The following NEBL variants were observed in gnomAD, a reference collection of about 807,000 sequenced individuals.
The protein encoded by NEBL is nebulette, also known as LIM and SH3 protein 2.
In NEBL, 122 loss-of-function variants were observed where a neutral mutation model predicts 140.2. The ratio of observed to expected loss-of-function variants is 0.87; its 90% CI spans 0.75 to 1.01. The LOEUF (loss-of-function observed/expected upper bound fraction) is 1.01. Ranked by LOEUF, NEBL falls within the 50% of genes least tolerant of loss-of-function variation. NEBL has a pLI of 0.00. For missense variants in NEBL, 1,365 were observed against 1,231.3 expected, an observed-to-expected ratio of 1.11 and a Z score of -1.62; for synonymous variants, 436 against 398.9, an observed-to-expected ratio of 1.09 and a Z score of -1.11.
intron 26 of NEBL, among the ~76,000 whole-genome samples, chr10:20,791,809 G>A (rs1400002058): frequency 6.6e-6 from 1 of 152,174 alleles, no homozygotes; most frequent in Non-Finnish European, 1.5e-5. Context: ...ACGTTGAAGA[G>A]TACTCAAAAA....
At chr10:20,894,910 T>C (rs186427067) in intron 2 of NEBL, among the ~76,000 whole-genome samples, 165 of 129,462 alleles carry the variant, frequency 1.3e-3, no homozygotes, top group African/African-American at 4.7e-3. Context: ...GCCTGGGTGA[T>C]AGAGCGAGAC....
At position 20,808,622 on chromosome 10, in the gene NEBL, G is replaced by A; in HGVS notation, c.2649C>T (p.Ser883=). ...CTGTACCGAAAGTACTGCTGGAATG[G>A]GATCGAGACCAGTGTCGCCTATAGT... ...ASHYRRHWSR[S]HSSSTFGTGL... The change falls in exon 26 of 28, where the codon TCC becomes TCT. Residue 883 remains serine (S), a synonymous_variant. Transcript: ENST00000377122. The A allele has an allele frequency of 1.2e-6, 2 of 1,613,252 alleles. No homozygotes were observed. The highest frequency in any genetic ancestry group is 1.7e-6 in the Non-Finnish European group (2 of 1,179,352).
intron 2 of NEBL, among the ~76,000 whole-genome samples, chr10:21,143,448 CAAAAAAAAAA>C (rs72021692): frequency 6.0e-5 from 4 of 66,478 alleles, no homozygotes; most frequent in South Asian, 6.9e-4. Context: ...AACTTCATCT[CAAAAAAAAAA>C]AAAAAAAAAA....
chr10:21,028,792 A>C (rs1833650432), intron 2 of NEBL, among the ~76,000 whole-genome samples: 1 of 152,144 alleles, frequency 6.6e-6, no homozygotes, highest in South Asian at 2.1e-4. Context: ...AAAAATGAAG[A>C]CAGAGAGAAA....
rs71390800 is a variant in NEBL at position 20,924,413 on chromosome 10, T to TAAAAAAAAAAA, written c.357+37248_357+37258dup. Among the ~76,000 whole-genome samples the TAAAAAAAAAAA allele has an allele frequency of 5.8e-4, 34 of 59,060 alleles. 3 individuals carry two copies. The highest frequency in any genetic ancestry group is 9.3e-4 in the African/African-American group (14 of 15,090). The allele number at this position is 59,060 out of a possible 152,430, so 38.7% of individuals were successfully genotyped here. A position where few individuals can be genotyped will look rare whatever the true frequency, so the allele number is the denominator to read the frequency against. ...CTATAGCTCTCGATCAGGCATGAAG[T>TAAAAAAAAAAA]AAAAAAAAAAAAAAAAAAAAAAAAA... On this transcript the variant is annotated intron_variant, in intron 4 of 6. Transcript: ENST00000417816.
chr10:21,203,416 C>T (rs1016823039), intron 3 of NEBL, among the ~76,000 whole-genome samples: 3 of 152,134 alleles, frequency 2.0e-5, no homozygotes, highest in African/African-American at 7.2e-5. Context: ...AAAAGTTCTC[C>T]AACTTATGGA....
At chr10:20,872,871 C>T (rs1049878684) in intron 5 of NEBL, among the ~76,000 whole-genome samples, 27 of 152,136 alleles carry the variant, frequency 1.8e-4, no homozygotes, top group Admixed American at 1.8e-3. Context: ...AATAATCCAC[C>T]CCTTGTTTAG....
intron 2 of NEBL, among the ~76,000 whole-genome samples, chr10:21,057,260 G>A (rs954322437): frequency 2.0e-5 from 3 of 151,972 alleles, no homozygotes; most frequent in Non-Finnish European, 4.4e-5. Context: ...CTCCCGGGAA[G>A]GGTTGCTCTT....
At chr10:20,906,321 C>A (rs1419204641) in intron 4 of NEBL, among the ~76,000 whole-genome samples, 1 of 152,094 alleles carries the variant, frequency 6.6e-6, no homozygotes, top group Non-Finnish European at 1.5e-5. Context: ...ACTGAGGAAT[C>A]CTTCTTCCTG....
At chr10:20,938,124 A>G (rs752070073) in intron 4 of NEBL, among the ~76,000 whole-genome samples, 15 of 152,196 alleles carry the variant, frequency 9.9e-5, no homozygotes, top group African/African-American at 3.6e-4. Context: ...GAGATCTGAG[A>G]ATGGACAGAC....
At chr10:21,180,547 C>A (rs187571863) in intron 3 of NEBL, among the ~76,000 whole-genome samples, 8 of 152,280 alleles carry the variant, frequency 5.3e-5, no homozygotes, top group Admixed American at 2.6e-4. Context: ...TAGACACAAG[C>A]ATTCTAGGTA....
chr10:21,224,849 G>A (rs907617970), intron 3 of NEBL, among the ~76,000 whole-genome samples: 6 of 152,142 alleles, frequency 3.9e-5, no homozygotes, highest in Non-Finnish European at 5.9e-5. Context: ...TTGTATGTTG[G>A]TTTTGTATCC....
intron 2 of NEBL, among the ~76,000 whole-genome samples, chr10:21,148,287 C>A (rs1839990232): frequency 6.6e-6 from 1 of 152,172 alleles, no homozygotes; most frequent in Admixed American, 6.5e-5. Flanking sequence ...ACGTTCATGG[C>A]TCATCACTCC....
chr10:20,868,881 A>C (rs957931683), intron 6 of NEBL, 116 bp from the exon 7 acceptor site: 2 of 717,078 alleles, frequency 2.8e-6, no homozygotes, highest in African/African-American at 3.6e-5. Flanking sequence ...TATTCCTTAC[A>C]ACACATCAAA....
chr10:20,892,174 C>T (rs562387559), intron 2 of NEBL, among the ~76,000 whole-genome samples: 94 of 152,330 alleles, frequency 6.2e-4, no homozygotes, highest in Middle Eastern at 6.8e-3. Context: ...AGAGGACAAG[C>T]TGATCTAAAC....
chr10:21,058,317 T>G (rs1835122606), intron 2 of NEBL, among the ~76,000 whole-genome samples: 2 of 152,220 alleles, frequency 1.3e-5, no homozygotes, highest in African/African-American at 4.8e-5. Context: ...TCTTTTGGAC[T>G]TTTGGAAGGT....
chr10:21,058,764 G>A (rs1019689082), intron 2 of NEBL, among the ~76,000 whole-genome samples: 2 of 152,104 alleles, frequency 1.3e-5, no homozygotes, highest in South Asian at 2.1e-4. Flanking sequence ...AATTACTGCT[G>A]AACTGTAAAT....
chr10:20,821,089 T>G (rs933136386), intron 19 of NEBL, among the ~76,000 whole-genome samples: 9 of 152,162 alleles, frequency 5.9e-5, no homozygotes, highest in Non-Finnish European at 1.0e-4. Context: ...TGTATCAAGC[T>G]TGAAAGAAAT....
intron 3 of NEBL, among the ~76,000 whole-genome samples, chr10:20,969,296 A>G (rs1278000914): frequency 2.6e-5 from 4 of 151,978 alleles, no homozygotes; most frequent in East Asian, 1.9e-4. Context: ...AATTAAAATT[A>G]TAATTACCTT....
Sources: allele counts gnomAD v4.1 joint callset (sites outside exome capture counted in the v4.1 genomes callset), GRCh38; gene constraint gnomAD v4.1.1; transcripts MANE v1.5; gene names NCBI Gene and HGNC (gene_info 2026-07-23, HGNC 2026-07-21).